ZNF521: variants seen among roughly 807,000 people sequenced by gnomAD.
ZNF521 encodes the protein zinc finger protein 521, also known as LYST-interacting protein 3.
Under a neutral mutation model 105.5 loss-of-function variants are expected in ZNF521, and 14 were observed. The observed-to-expected ratio is 0.13, with a 90% confidence interval of 0.09 to 0.21. ZNF521 has a LOEUF of 0.21. ZNF521 is among the 10% of genes least tolerant of loss of function. The pLI, the probability that ZNF521 is intolerant of heterozygous loss-of-function variation, is 1.00. For synonymous variants in ZNF521, 635 were observed against 606.0 expected, an observed-to-expected ratio of 1.05 and a Z score of -0.70; for missense variants, 1,233 against 1,629.7, an observed-to-expected ratio of 0.76 and a Z score of 4.19.
At chr18:25,313,119 T>C (rs186512148) in intron 3 of ZNF521, among the ~76,000 whole-genome samples, 1 of 152,132 alleles carries the variant, frequency 6.6e-6, no homozygotes, top group Non-Finnish European at 1.5e-5. Context: ...GAAATAGCCA[T>C]CCAGGTACTA....
At position 25,062,749 on chromosome 18, in the gene ZNF521, TAACAAAAAAA is replaced by T; in HGVS notation, c.3907-18_3907-9del. 2 of 204,570 alleles carry T rather than the reference TAACAAAAAAA, an allele frequency of 9.8e-6. No individual in the cohort carries two copies. The highest frequency in any genetic ancestry group is 1.4e-5 in the Non-Finnish European group (2 of 140,836). The allele number at this position is 204,570 out of a possible 1,614,324, so 12.7% of individuals were successfully genotyped here. ...TTGGGTCATTGTATGATTCTGTAAA[TAACAAAAAAA>T]AAAAAAAAAAAAAAAAAAAAAAAAA... is the stretch of plus-strand genomic sequence containing the variant. On this transcript the variant is annotated splice_polypyrimidine_tract_variant and intron_variant, in intron 7 of 7. Transcript: ENST00000361524.
intron 3 of ZNF521, among the ~76,000 whole-genome samples, chr18:25,253,785 AT>A (rs2144859305): frequency 6.6e-6 from 1 of 152,294 alleles, no homozygotes; most frequent in East Asian, 1.9e-4. Flanking sequence ...ACAGATATAA[AT>A]TGGAAATCAG....
chr18:25,098,439 C>T (rs2033897999), intron 5 of ZNF521, among the ~76,000 whole-genome samples: 1 of 151,760 alleles, frequency 6.6e-6, no homozygotes, highest in African/African-American at 2.4e-5. Context: ...ACTTTGCCCT[C>T]ATTTTTTTTT....
chr18:25,095,417 C>G (rs555956392), intron 5 of ZNF521, among the ~76,000 whole-genome samples: 2 of 152,204 alleles, frequency 1.3e-5, no homozygotes, highest in South Asian at 4.1e-4. Flanking sequence ...GATTCAGAGT[C>G]AATTGATTTA....
At chr18:25,132,387 C>G (rs781716165) in intron 5 of ZNF521, among the ~76,000 whole-genome samples, 1 of 152,150 alleles carries the variant, frequency 6.6e-6, no homozygotes, top group African/African-American at 2.4e-5. Flanking sequence ...CAACTGCACA[C>G]TCCTGAAATA....
intron 7 of ZNF521, among the ~76,000 whole-genome samples, chr18:25,064,491 AACAGTACTC>A (rs1271799105): frequency 1.3e-5 from 2 of 152,352 alleles, no homozygotes; most frequent in Non-Finnish European, 2.9e-5. Flanking sequence ...GTTCTGAATC[AACAGTACTC>A]ACGAGACATG....
At chr18:25,166,529 A>G (rs2035344490) in intron 5 of ZNF521, among the ~76,000 whole-genome samples, 1 of 152,206 alleles carries the variant, frequency 6.6e-6, no homozygotes, top group South Asian at 2.1e-4. Context: ...AGAGATAAAG[A>G]CACATATGCA....
rs1023983560 is a variant in ZNF521, at chr18:25,089,445, C to A, written c.3906+20G>T. 1.3e-6 allele frequency: 2 copies of A among 1,577,706 alleles called. No individual in the cohort carries two copies. The highest frequency in any genetic ancestry group is 2.7e-5 in the African/African-American group (2 of 74,270). On this transcript the variant is annotated intron_variant, in intron 7 of 7. Coordinates refer to ENST00000361524, the MANE Select transcript of ZNF521 (RefSeq NM_015461.3). ...AATAGCAACTGAGTTCAATCCCAGT[C>A]CTCCCCATGAGGACATTACCTGCAG...
chr18:25,287,022 G>A (rs1161595589), intron 3 of ZNF521, among the ~76,000 whole-genome samples: 3 of 152,168 alleles, frequency 2.0e-5, no homozygotes, highest in African/African-American at 7.2e-5. Flanking sequence ...GGACTTTGGG[G>A]ACAGGAGAAG....
chr18:25,308,342 A>C (rs1324470478), intron 3 of ZNF521, among the ~76,000 whole-genome samples: 1 of 152,054 alleles, frequency 6.6e-6, no homozygotes, highest in Middle Eastern at 3.2e-3. Context: ...CAAACTCCTG[A>C]CCTATAGAAA....
intron 2 of ZNF521, among the ~76,000 whole-genome samples, chr18:25,349,787 G>T (rs932140503): frequency 1.3e-5 from 2 of 150,234 alleles, no homozygotes; most frequent in Non-Finnish European, 3.0e-5. Context: ...GGACCCAGCG[G>T]GCCCGGGCGG....
rs1374144083 is a variant in ZNF521, at chr18:25,062,142, C to T, written c.*570G>A. 1.5e-5 allele frequency: 3 copies of T among 203,434 alleles called. No individual in the cohort carries two copies. Among genetic ancestry groups the T allele is most frequent in the Non-Finnish European group, 3.0e-5 (3 of 99,286 alleles). The allele number at this position is 203,434 out of a possible 1,614,324, so 12.6% of individuals were successfully genotyped here. The stretch of plus-strand genomic sequence containing the variant: ...TTGACAGTCTACATAACAACTATTG[C>T]ATATATAGTGATGCTACCTGTCACA... On this transcript the variant is annotated 3_prime_UTR_variant, in exon 8 of 8. Coordinates refer to ENST00000361524, the MANE Select transcript of ZNF521 (RefSeq NM_015461.3).
Position 25,297,140 on chromosome 18 carries a change from CACAT to C in ZNF521, c.220+24864_220+24867del, listed in dbSNP as rs1464838643. On this transcript the variant is annotated intron_variant, in intron 3 of 7. Transcript: ENST00000361524. ...GTCCCTTTATACACACACACACACA[CACAT>C]ATATATATATACTGAATTAAAATGG... Among the ~76,000 whole-genome samples, 115 of 151,224 alleles carry C rather than the reference CACAT, an allele frequency of 7.6e-4. 1 individual carries two copies. The highest frequency in any genetic ancestry group is 2.4e-3 in the African/African-American group (98 of 40,946).
chr18:25,158,593 A>G (rs2035191882), intron 5 of ZNF521, among the ~76,000 whole-genome samples: 1 of 152,154 alleles, frequency 6.6e-6, no homozygotes, highest in African/African-American at 2.4e-5. Flanking sequence ...GACACTCTGT[A>G]AAACAGTTGA....
chr18:25,077,532 G>A (rs377647902), intron 7 of ZNF521, among the ~76,000 whole-genome samples: 1 of 151,418 alleles, frequency 6.6e-6, no homozygotes, highest in Admixed American at 6.6e-5. Flanking sequence ...CTCCTCTTAT[G>A]TTTTTTTTAA....
chr18:25,334,980 A>G (rs1429419922), intron 2 of ZNF521, among the ~76,000 whole-genome samples: 2 of 152,194 alleles, frequency 1.3e-5, no homozygotes, highest in East Asian at 1.9e-4. Flanking sequence ...GTAAGGTTCA[A>G]TAACATGTAG....
rs746118232 is a variant in ZNF521 at position 25,244,308 on chromosome 18, ACAC to A, written c.221-16614_221-16612del. Among the ~76,000 whole-genome samples, 216 of 149,656 alleles carry A rather than the reference ACAC, an allele frequency of 1.4e-3. 3 individuals are homozygous for A. The highest frequency in any genetic ancestry group is 2.3e-3 in the Admixed American group (34 of 15,058). ...CACACACACACACACACACACACAC[ACAC>A]ACTCTCACCCTTTATACCACCCCAC... On this transcript the variant is annotated intron_variant, in intron 3 of 7. Coordinates refer to ENST00000361524, the MANE Select transcript of ZNF521 (RefSeq NM_015461.3).
At chr18:25,207,397 G>A (rs1358271315) in intron 4 of ZNF521, among the ~76,000 whole-genome samples, 2 of 152,218 alleles carry the variant, frequency 1.3e-5, no homozygotes, top group African/African-American at 2.4e-5. Flanking sequence ...GGGGCTCCTC[G>A]GGGCACAGGA....
intron 7 of ZNF521, among the ~76,000 whole-genome samples, chr18:25,077,287 C>T (rs1046875267): frequency 6.6e-6 from 1 of 152,198 alleles, no homozygotes. Context: ...TCTGTTCTGC[C>T]TTCCCGTTCC....
Sources: allele counts gnomAD v4.1 joint callset (sites outside exome capture counted in the v4.1 genomes callset), GRCh38; gene constraint gnomAD v4.1.1; transcripts MANE v1.5; gene names NCBI Gene and HGNC (gene_info 2026-07-23, HGNC 2026-07-21).